The following SYN2 variants were observed in gnomAD, a reference collection of about 807,000 sequenced individuals.
The protein encoded by SYN2 is synapsin-2.
A neutral mutation model predicts 50.9 loss-of-function variants in SYN2; 19 were observed. That is an observed-to-expected ratio of 0.37 (90% confidence interval 0.26 to 0.55). The LOEUF is 0.55. Among genes scored for constraint, SYN2 ranks in the 20% least tolerant of loss-of-function variants. The pLI is 0.81. For synonymous variants in SYN2, 255 were observed against 224.9 expected, an observed-to-expected ratio of 1.13 and a Z score of -1.20; for missense variants, 587 against 576.4, an observed-to-expected ratio of 1.02 and a Z score of -0.19.
intron 1 of SYN2, among the ~76,000 whole-genome samples, chr3:12,121,465 CTG>C (rs1209216336): frequency 6.6e-6 from 1 of 151,988 alleles, no homozygotes; most frequent in African/African-American, 2.4e-5. Flanking sequence ...ACTACAGACT[CTG>C]TGAGGACAGG....
intron 1 of SYN2, among the ~76,000 whole-genome samples, chr3:12,086,705 A>G (rs1464625684): frequency 1.3e-5 from 2 of 152,190 alleles, no homozygotes; most frequent in Non-Finnish European, 1.5e-5. Context: ...AGCTATAGAA[A>G]GAATGCAGTT....
chr3:12,115,564 C>A lies in SYN2; in HGVS notation c.378-25087C>A, dbSNP rs186430532. Among the ~76,000 whole-genome samples the A allele has an allele frequency of 5.9e-4, 90 of 152,222 alleles. 1 individual carries two copies. Among genetic ancestry groups the A allele is most frequent in the African/African-American group, 2.1e-3 (86 of 41,552 alleles). ...CAGGTTTCTCCTTTAAACTTTTATT[C>A]ATTCCGTATTTTTAATAAGCTATCA... On this transcript the variant is annotated intron_variant, in intron 1 of 12. Coordinates refer to ENST00000621198, the MANE Select transcript of SYN2 (RefSeq NM_133625.6).
chr3:12,154,894 A>G (rs1019052487), intron 5 of SYN2, among the ~76,000 whole-genome samples: 2 of 152,220 alleles, frequency 1.3e-5, no homozygotes, highest in Non-Finnish European at 2.9e-5. Flanking sequence ...AAGATATTCA[A>G]TAAATAATAG....
intron 1 of SYN2, among the ~76,000 whole-genome samples, chr3:12,017,117 AG>A (rs895056741): frequency 6.6e-6 from 1 of 152,146 alleles, no homozygotes; most frequent in Non-Finnish European, 1.5e-5. Context: ...TTCAGTTAAG[AG>A]TAAGAGAAAG....
At chr3:12,141,035 T>TA (rs958253950) in intron 2 of SYN2, among the ~76,000 whole-genome samples, 1 of 152,166 alleles carries the variant, frequency 6.6e-6, no homozygotes, top group African/African-American at 2.4e-5. Context: ...TATTGCACGT[T>TA]ACCTCCGTAT....
chr3:12,040,434 T>C (rs372507658), intron 1 of SYN2, among the ~76,000 whole-genome samples: 31 of 146,670 alleles, frequency 2.1e-4, no homozygotes, highest in African/African-American at 5.2e-4. Flanking sequence ...CTGTTTCTTT[T>C]TTTTTTTTTT....
chr3:12,046,828 G>A (rs978103781), intron 1 of SYN2, among the ~76,000 whole-genome samples: 7 of 152,176 alleles, frequency 4.6e-5, no homozygotes, highest in African/African-American at 1.7e-4. Flanking sequence ...GTTTCTGACT[G>A]CACAGCTGGG....
At chr3:12,057,308 TG>T (rs1695014234) in intron 1 of SYN2, among the ~76,000 whole-genome samples, 1 of 151,588 alleles carries the variant, frequency 6.6e-6, no homozygotes, top group African/African-American at 2.4e-5. Context: ...TGTGTGTGTG[TG>T]TGTGTGTGTG....
At chr3:12,102,918 A>G (rs775515951) in intron 1 of SYN2, among the ~76,000 whole-genome samples, 1 of 152,164 alleles carries the variant, frequency 6.6e-6, no homozygotes, top group African/African-American at 2.4e-5. Context: ...AAGGACTGAA[A>G]TGGTATTTCC....
chr3:12,169,445 A>G (rs1306268305), intron 9 of SYN2, among the ~76,000 whole-genome samples: 10 of 152,190 alleles, frequency 6.6e-5, no homozygotes. Context: ...CCTGCCTGCA[A>G]ACTTTTGCGC....
chr3:12,087,575 C>T (rs934885912), intron 1 of SYN2, among the ~76,000 whole-genome samples: 10 of 151,762 alleles, frequency 6.6e-5, no homozygotes, highest in Admixed American at 2.6e-4. Flanking sequence ...ATGGTGAGAC[C>T]CTGCCTCTAC....
At chr3:12,170,818 G>A (rs906680048) in intron 10 of SYN2, among the ~76,000 whole-genome samples, 1 of 152,174 alleles carries the variant, frequency 6.6e-6, no homozygotes, top group African/African-American at 2.4e-5. Context: ...TAAACAGGGA[G>A]GTAGAATAGA....
chr3:12,161,680 A>G (rs1357048128), intron 6 of SYN2, 72 bp downstream of exon 6: 1 of 1,504,704 alleles, frequency 6.6e-7, no homozygotes, highest in African/African-American at 1.4e-5. Context: ...CCATTTGTGA[A>G]CTGCTATTCT....
chr3:12,132,585 G>A (rs139604357), intron 1 of SYN2, among the ~76,000 whole-genome samples: 12 of 152,172 alleles, frequency 7.9e-5, no homozygotes, highest in East Asian at 1.9e-4. Flanking sequence ...GACTGAAGAC[G>A]ACTCATTATT....
intron 11 of SYN2, chr3:12,184,338 G>A (rs1698293840): frequency 2.0e-6 from 2 of 985,764 alleles, no homozygotes; most frequent in Admixed American, 1.2e-4. Flanking sequence ...GCGCTTGTGT[G>A]GACCTGAGGC....
chr3:12,033,312 G>A (rs1364208621), intron 1 of SYN2, among the ~76,000 whole-genome samples: 8 of 152,174 alleles, frequency 5.3e-5, no homozygotes, highest in Non-Finnish European at 7.3e-5. Context: ...GAAATCACCC[G>A]TCTTCTGCGT....
At chr3:12,149,928 C>T (rs1697238282) in intron 4 of SYN2, among the ~76,000 whole-genome samples, 1 of 152,166 alleles carries the variant, frequency 6.6e-6, no homozygotes, top group Non-Finnish European at 1.5e-5. Context: ...TCAAATTTAA[C>T]CATCTCATTT....
chr3:12,090,059 G>T lies in SYN2; in HGVS notation c.378-50592G>T, dbSNP rs566218999. 2.0e-5 allele frequency among the ~76,000 whole-genome samples: 3 copies of T among 152,310 alleles called. No homozygotes were observed. In the South Asian group the frequency reaches 6.2e-4, roughly 32 times the overall value. On this transcript the variant is annotated intron_variant, in intron 1 of 12. Coordinates refer to ENST00000621198, the MANE Select transcript of SYN2 (RefSeq NM_133625.6). Reference sequence around the variant, plus strand: ...GAAATAGACTAAAAGCATTTTAAGAGAATTTCTGCCTAGATATCTGACTTG... The same window carrying T: ...GAAATAGACTAAAAGCATTTTAAGATAATTTCTGCCTAGATATCTGACTTG...
At chr3:12,178,183 G>A (rs1272694133) in intron 10 of SYN2, among the ~76,000 whole-genome samples, 1 of 152,202 alleles carries the variant, frequency 6.6e-6, no homozygotes, top group Non-Finnish European at 1.5e-5. Flanking sequence ...GTTCTGTGGC[G>A]TGTCCGGCAA....
Sources: allele counts gnomAD v4.1 joint callset (sites outside exome capture counted in the v4.1 genomes callset), GRCh38; gene constraint gnomAD v4.1.1; transcripts MANE v1.5; gene names NCBI Gene and HGNC (gene_info 2026-07-23, HGNC 2026-07-21).